PPP2R3B: variants seen among roughly 807,000 people sequenced by gnomAD.
PPP2R3B encodes the protein protein phosphatase 2 regulatory subunit B''beta.
Under a neutral mutation model 72.9 loss-of-function variants are expected in PPP2R3B, and 68 were observed. The observed-to-expected ratio is 0.93, with a 90% CI of 0.77 to 1.14. PPP2R3B has a LOEUF of 1.14. PPP2R3B is among the 50% of genes most tolerant of loss of function. The pLI is 0.00. For missense variants in PPP2R3B, 1,018 were observed against 842.0 expected, an observed-to-expected ratio of 1.21 and a Z score of -2.59; for synonymous variants, 466 against 375.8, an observed-to-expected ratio of 1.24 and a Z score of -2.78.
intron 1 of PPP2R3B, among the ~76,000 whole-genome samples, chrX:367,140 G>A (rs2071736480): frequency 6.6e-6 from 1 of 152,166 alleles, no homozygotes; most frequent in African/African-American, 2.4e-5. Context: ...GCAGCAGGGA[G>A]AAGCCAAGAG....
At chrX:376,138 C>A in intron 1 of PPP2R3B, among the ~76,000 whole-genome samples, 1 of 152,032 alleles carries the variant, frequency 6.6e-6, no homozygotes, top group South Asian at 2.1e-4. Flanking sequence ...TTGCAGTGAG[C>A]CGAGATTGCG....
intron 1 of PPP2R3B, 57 bp from the exon 2 acceptor site, chrX:361,647 C>T: frequency 6.3e-7 from 1 of 1,594,880 alleles, no homozygotes; most frequent in South Asian, 1.1e-5. Context: ...ACGCCTTCTT[C>T]ACCCGGACAA....
chrX:350,618 G>A lies in PPP2R3B; in HGVS notation c.511-2925C>T, dbSNP rs748564157. 3.9e-5 allele frequency among the ~76,000 whole-genome samples: 6 copies of A among 152,352 alleles called. No individual in the cohort carries two copies. In the East Asian group the frequency reaches 5.8e-4, roughly 15 times the overall value. On this transcript the variant is annotated intron_variant, in intron 2 of 12. Coordinates refer to ENST00000390665, the MANE Select transcript of PPP2R3B (RefSeq NM_013239.5). ...AGGGGAAGCGCCCAGCACTGGCGCC[G>A]GCGAGGGCAGGGTTCACAGGGCATG... is the stretch of plus-strand genomic sequence containing the variant.
At chrX:357,494 G>C (rs922696674) in intron 2 of PPP2R3B, among the ~76,000 whole-genome samples, 16 of 152,212 alleles carry the variant, frequency 1.1e-4, no homozygotes, top group African/African-American at 3.1e-4. Context: ...TACTGAAAGA[G>C]ATATACGTTA....
chrX:342,921 G>T (rs377445737), intron 7 of PPP2R3B, among the ~76,000 whole-genome samples: 136 of 8,742 alleles, frequency 0.016, 34 homozygotes, highest in Admixed American at 0.025. Context: ...GAGGCGGGAG[G>T]GAGACCTCGC....
At chrX:352,989 G>A (rs2071361936) in intron 2 of PPP2R3B, among the ~76,000 whole-genome samples, 1 of 151,704 alleles carries the variant, frequency 6.6e-6, no homozygotes. Context: ...TTGGAGCAGG[G>A]CTCTGCTGGG....
intron 7 of PPP2R3B, chrX:345,070 C>A (rs777728156): frequency 2.8e-5 from 12 of 423,408 alleles, no homozygotes; most frequent in South Asian, 2.1e-4. Flanking sequence ...GGCACCGGCT[C>A]CCGCGGAGGT....
chrX:341,769 G>T (rs1188748131), intron 8 of PPP2R3B, 114 bp downstream of exon 8: 19 of 1,165,992 alleles, frequency 1.6e-5, no homozygotes, highest in Admixed American at 5.1e-5. Flanking sequence ...AGGGCCTGGG[G>T]TGACAACCAC....
chrX:348,292 CT>C, intron 2 of PPP2R3B, among the ~76,000 whole-genome samples: 1 of 7,508 alleles, frequency 1.3e-4, no homozygotes, highest in Non-Finnish European at 3.1e-4. Context: ...TTAACCCTGG[CT>C]GGCTGGGCGT....
At chrX:362,959 G>T (rs1402424300) in intron 1 of PPP2R3B, among the ~76,000 whole-genome samples, 4 of 151,934 alleles carry the variant, frequency 2.6e-5, no homozygotes, top group Non-Finnish European at 4.4e-5. Context: ...CAGGTCACAA[G>T]GGTCCCACTG....
intron 5 of PPP2R3B, chrX:346,469 G>T: frequency 1.6e-6 from 1 of 628,968 alleles, no homozygotes; most frequent in Non-Finnish European, 2.7e-6. Context: ...ACGCCCCGGA[G>T]CTACACGGGC....
intron 2 of PPP2R3B, among the ~76,000 whole-genome samples, chrX:358,995 G>C (rs2071491493): frequency 6.6e-6 from 1 of 151,852 alleles, no homozygotes; most frequent in Non-Finnish European, 1.5e-5. Flanking sequence ...GGCCGGGGAG[G>C]GGCATCGTGG....
chrX:347,290 G>A lies in PPP2R3B; in HGVS notation c.661C>T (p.Leu221Phe). ...AGGTAGTTGCAGCCGGGGCTCATGAGCAGATGGACGAACTTGGCCGCGTCG... is the reference window on the plus strand; with the variant it reads ...AGGTAGTTGCAGCCGGGGCTCATGAACAGATGGACGAACTTGGCCGCGTCG... ...HDDAAKFVHL[L>F]MSPGCNYLVQ... The change falls in exon 4 of 13, where the codon CTC (leucine) becomes TTC (phenylalanine). Residue 221 changes from leucine to phenylalanine, a missense_variant. Coordinates refer to ENST00000390665, the MANE Select transcript of PPP2R3B (RefSeq NM_013239.5). 2.5e-6 allele frequency: 4 copies of A among 1,613,856 alleles called. No homozygotes were observed. The highest frequency in any genetic ancestry group is 2.2e-5 in the South Asian group (2 of 91,078).
In PPP2R3B at chrX:346,264, C is replaced by T; in HGVS notation, c.793-4G>A. The T allele has an allele frequency of 6.4e-7, 1 of 1,562,986 alleles. No individual in the cohort carries two copies. The highest frequency in any genetic ancestry group is 2.4e-5 in the East Asian group (1 of 41,654). ...CGTAGAAGATCCGCTGGATGACCTGCGGGGGCGCTGTCAGTGCGGTGGGTG... is the reference window on the plus strand; with the variant it reads ...CGTAGAAGATCCGCTGGATGACCTGTGGGGGCGCTGTCAGTGCGGTGGGTG... On this transcript the variant is annotated splice_polypyrimidine_tract_variant and splice_region_variant and intron_variant, in intron 5 of 12. Transcript: ENST00000390665.
Position 334,387 on chromosome X carries a change from C to A in PPP2R3B, c.1708G>T (p.Glu570Ter), listed in dbSNP as rs369119636. 5 of 1,526,274 alleles carry A rather than the reference C, an allele frequency of 3.3e-6. No individual in the cohort carries two copies. The South Asian group carries it at 3.7e-5, about 11-fold the overall frequency. The allele number at this position is 1,526,274 out of a possible 1,614,324, so 94.5% of individuals were successfully genotyped here. The change falls in exon 13 of 13, where the codon GAG (glutamate) becomes TAG (stop). Residue 570 changes from glutamate to a stop codon, truncating the protein, a stop_gained. Transcript: ENST00000390665. LOFTEE classifies it high-confidence loss of function. The stretch of plus-strand genomic sequence containing the variant: ...CGGCGTCACAGCGGCTCCAGGTCCT[C>A]GTCCCCGCATGCGTACTCGTACAGG... Reference protein sequence around the residue: ...VDLYEYACGDEDLEPL With the variant: ...VDLYEYACGD
chrX:371,427 A>C (rs2071861084), intron 1 of PPP2R3B, among the ~76,000 whole-genome samples: 1 of 152,028 alleles, frequency 6.6e-6, no homozygotes, highest in East Asian at 1.9e-4. Context: ...GTGACAGGGA[A>C]GTGGGCAGTG....
intron 2 of PPP2R3B, among the ~76,000 whole-genome samples, chrX:361,006 G>A (rs1352956710): frequency 7.9e-5 from 12 of 152,198 alleles, no homozygotes; most frequent in African/African-American, 1.4e-4. Flanking sequence ...TGGGATGGCC[G>A]CTCCTCGGGC....
At chrX:344,969 C>CCCACAGG (rs766726818) in intron 7 of PPP2R3B, 5 of 353,172 alleles carry the variant, frequency 1.4e-5, no homozygotes, top group African/African-American at 4.3e-5. Context: ...AAACTCAAGC[C>CCCACAGG]CCACAGGCCA....
At chrX:371,013 G>C (rs2071849840) in intron 1 of PPP2R3B, among the ~76,000 whole-genome samples, 1 of 152,136 alleles carries the variant, frequency 6.6e-6, no homozygotes, top group Non-Finnish European at 1.5e-5. Flanking sequence ...TCAGTGTGTG[G>C]GGAGCGGGAG....
Sources: allele counts gnomAD v4.1 joint callset (sites outside exome capture counted in the v4.1 genomes callset), GRCh38; gene constraint gnomAD v4.1.1; transcripts MANE v1.5; gene names NCBI Gene and HGNC (gene_info 2026-07-23, HGNC 2026-07-21).